FKBP15: variants seen among roughly 807,000 people sequenced by gnomAD.
FKBP15 encodes FKBP prolyl isomerase family member 15.
A neutral mutation model predicts 158.1 loss-of-function variants in FKBP15; 106 were observed. That is an observed-to-expected ratio of 0.67 (90% CI 0.57 to 0.79). The LOEUF (loss-of-function observed/expected upper bound fraction) is 0.79. Among genes scored for constraint, FKBP15 ranks in the 30% least tolerant of loss-of-function variants. The pLI is 0.00. For synonymous variants in FKBP15, 547 were observed against 548.6 expected, an observed-to-expected ratio of 1.00 and a Z score of 0.04; for missense variants, 1,287 against 1,479.1, an observed-to-expected ratio of 0.87 and a Z score of 2.13.
rs575621118 is a variant in FKBP15, at chr9:113,174,327, G to A, written c.2379+101C>T. 5 of 1,291,394 alleles carry A rather than the reference G, an allele frequency of 3.9e-6. No individual in the cohort carries two copies. The African/African-American group carries it at 4.5e-5, about 12-fold the overall frequency. The allele number at this position is 1,291,394 out of a possible 1,614,324, so 80.0% of individuals were successfully genotyped here. On this transcript the variant is annotated intron_variant, in intron 22 of 27. Transcript: ENST00000238256. ...TCTCCAAAGTGAGAGTATCAGCTAT[G>A]AGAAATGTCATCCTAAAGGGTAAGG...
Position 113,194,133 on chromosome 9 carries a change from T to A in FKBP15, c.901A>T (p.Ser301Cys). The change falls in exon 10 of 28, where the codon AGT becomes TGT. Residue 301 changes from serine to cysteine, a missense_variant. By Grantham distance (112) the Ser-to-Cys change is moderately radical. Transcript: ENST00000238256. ...FARDSGSDGHSVSSRDSAAPS... is the reference protein window; with the variant it reads ...FARDSGSDGHCVSSRDSAAPS... ...GCTGCAGAATCGCGGGAACTAACACTGTGACCATCAGAGCCAGAATCTCTG... is the reference window on the plus strand; with the variant it reads ...GCTGCAGAATCGCGGGAACTAACACAGTGACCATCAGAGCCAGAATCTCTG... The A allele has an allele frequency of 6.2e-7, 1 of 1,612,616 alleles. No individual in the cohort carries two copies. Among genetic ancestry groups the A allele is most frequent in the Admixed American group, 1.7e-5 (1 of 59,916 alleles).
At chr9:113,191,432 G>A (rs1830573194) in intron 11 of FKBP15, among the ~76,000 whole-genome samples, 1 of 151,754 alleles carries the variant, frequency 6.6e-6, no homozygotes, top group South Asian at 2.1e-4. Context: ...GGGATTGGTG[G>A]TACTTTATGT....
At chr9:113,183,945 T>G in intron 17 of FKBP15, 100 bp from the exon 18 acceptor site, 2 of 849,850 alleles carry the variant, frequency 2.4e-6, no homozygotes, top group Admixed American at 4.3e-5. Flanking sequence ...TGTTAACATG[T>G]TTTGAGACAA....
intron 19 of FKBP15, among the ~76,000 whole-genome samples, chr9:113,179,226 T>A (rs1161748799): frequency 6.6e-6 from 1 of 152,136 alleles, no homozygotes; most frequent in Non-Finnish European, 1.5e-5. Flanking sequence ...TTCACAGTTG[T>A]CTATTTCCTT....
In FKBP15 at chr9:113,185,685, G is replaced by T. The variant is rs1048193898; in HGVS notation, c.1498+564C>A. Among the ~76,000 whole-genome samples, 14 of 152,184 alleles carry T rather than the reference G, an allele frequency of 9.2e-5. 1 individual carries two copies. Among genetic ancestry groups the T allele is most frequent in the Admixed American group, 9.2e-4 (14 of 15,282 alleles). On this transcript the variant is annotated intron_variant, in intron 15 of 27. Transcript: ENST00000238256. ...ACAAAATATCTGAAAAGTTACCCAA[G>T]TAACTGTTAACAACAGTTTCCCAAG...
At chr9:113,197,203 G>A (rs1830704094) in intron 8 of FKBP15, 125 bp from the exon 9 acceptor site, 1 of 1,106,476 alleles carries the variant, frequency 9.0e-7, no homozygotes, top group South Asian at 1.5e-5. Flanking sequence ...CAGAGGTCGG[G>A]TCTGACTACT....
At chr9:113,219,934 A>G (rs951703413) in intron 1 of FKBP15, among the ~76,000 whole-genome samples, 5 of 152,246 alleles carry the variant, frequency 3.3e-5, no homozygotes, top group Non-Finnish European at 5.9e-5. Context: ...GGAAGGGAAC[A>G]GAGTGGTGAG....
intron 8 of FKBP15, among the ~76,000 whole-genome samples, chr9:113,197,771 C>A (rs1372878317): frequency 2.0e-5 from 3 of 152,166 alleles, no homozygotes; most frequent in Non-Finnish European, 4.4e-5. Context: ...TCAGAATTAT[C>A]CCCATTTTAC....
Position 113,169,573 on chromosome 9 carries a change from G to A in FKBP15, c.3136C>T (p.Pro1046Ser), listed in dbSNP as rs1830166427. The part of the protein sequence containing the change: ...RVLGPPTSIP[P>S]EPLGPVSMDS... ...ATGGATACAGGGCCTAGGGGCTCAG[G>A]TGGAATTGAAGTCGGGGGCCCTAGA... Residue 1046 changes from proline to serine, a missense_variant, in exon 26 of 28, where the codon CCT becomes TCT. Coordinates refer to ENST00000238256, the MANE Select transcript of FKBP15 (RefSeq NM_015258.2). The A allele has an allele frequency of 3.1e-6, 5 of 1,614,054 alleles. No individual in the cohort carries two copies. The highest frequency in any genetic ancestry group is 1.6e-4 in the Middle Eastern group (1 of 6,062).
At chr9:113,189,967 C>T (rs1564168091) in intron 12 of FKBP15, among the ~76,000 whole-genome samples, 2 of 151,912 alleles carry the variant, frequency 1.3e-5, no homozygotes. Flanking sequence ...AAGCAAATAA[C>T]AAGGGGAGAA....
chr9:113,202,609 G>A lies in FKBP15; in HGVS notation c.420C>T (p.Ser140=), dbSNP rs1478171735. ...FELMVRPNNY[S]TFYDDQRQNW... ...TCTGTCTCTGGTCATCATAAAAGGT[G>A]CTATAGTTATTGGGCCGAACCTGGA... Residue 140 remains serine, a synonymous_variant, in exon 6 of 28, where the codon AGC becomes AGT. Coordinates refer to ENST00000238256, the MANE Select transcript of FKBP15 (RefSeq NM_015258.2). 2.5e-6 allele frequency: 4 copies of A among 1,573,522 alleles called. No homozygotes were observed. In the Admixed American group the frequency reaches 7.4e-5, roughly 29 times the overall value.
chr9:113,171,797 TC>T, intron 23 of FKBP15, 91 bp from the exon 24 acceptor site: 23 of 1,056,262 alleles, frequency 2.2e-5, no homozygotes, highest in Admixed American at 1.1e-4. Context: ...ACATCAAGTC[TC>T]TTTTTTTTTT....
intron 15 of FKBP15, among the ~76,000 whole-genome samples, chr9:113,185,344 G>A (rs531770289): frequency 2.0e-5 from 3 of 150,492 alleles, no homozygotes; most frequent in African/African-American, 4.9e-5. Flanking sequence ...TTTGTGGGAA[G>A]AGAGGAAAGA....
rs372814060 is a variant in FKBP15 at position 113,166,046 on chromosome 9, C to T, written c.*32G>A. On this transcript the variant is annotated 3_prime_UTR_variant, in exon 28 of 28. Transcript: ENST00000238256. ...CAAAATCATGCTTAGGGAAGGGTTG[C>T]AGAGAAACCTTTGCACCAGTTTCCT... 7.1e-5 allele frequency: 113 copies of T among 1,598,978 alleles called. No individual in the cohort carries two copies. The African/African-American group carries it at 1.4e-3, about 20-fold the overall frequency.
rs1830020181 is a variant in FKBP15 at position 113,161,927 on chromosome 9, T to C, written c.*4151A>G. 4.7e-6 allele frequency: 3 copies of C among 642,388 alleles called. No homozygotes were observed. The Admixed American group carries it at 7.6e-5, about 16-fold the overall frequency. 39.8% of individuals were successfully genotyped at this position (642,388 alleles called of 1,614,324 possible). A position where few individuals can be genotyped will look rare whatever the true frequency, so the allele number is the denominator to read the frequency against. On this transcript the variant is annotated 3_prime_UTR_variant, in exon 28 of 28. Transcript: ENST00000238256. ...CAGCCACTTGAGAGGCTCAGAAGGC[T>C]TTCTTTAGGGAACAGTGATCTTCAG...
intron 6 of FKBP15, 108 bp downstream of exon 6, chr9:113,202,423 T>A (rs1822058530): frequency 1.3e-6 from 1 of 757,386 alleles, no homozygotes; most frequent in Admixed American, 2.6e-5. Context: ...TTTATGCTAG[T>A]CACTAACAAA....
At chr9:113,193,029 A>T (rs981376637) in intron 11 of FKBP15, among the ~76,000 whole-genome samples, 2 of 152,250 alleles carry the variant, frequency 1.3e-5, no homozygotes, top group Admixed American at 6.5e-5. Flanking sequence ...TGAACTCAGC[A>T]CTTTACAAAT....
rs7860472 is a variant in FKBP15 at position 113,198,676 on chromosome 9, T to C, written c.717+179A>G. ...CTGAGGCAGGAGAATCGCTTGAACC[T>C]GGGAGGTGGAGGTTGCAATGAGCCA... On this transcript the variant is annotated intron_variant, in intron 8 of 27. Transcript: ENST00000238256. This position sits in a 1 kb window ranked among gnomAD's most constrained non-coding sequence, Gnocchi z 5.2. 0.32 allele frequency among the ~76,000 whole-genome samples: 48,030 copies of C among 152,040 alleles called. 7,751 individuals carry two copies. The highest frequency in any genetic ancestry group is 0.33 in the Non-Finnish European group (22,669 of 67,938).
At chr9:113,210,896 T>C (rs910429322) in intron 2 of FKBP15, among the ~76,000 whole-genome samples, 1 of 152,240 alleles carries the variant, frequency 6.6e-6, no homozygotes, top group African/African-American at 2.4e-5. Context: ...TTTGGACTCT[T>C]GGACTTACAC....
Sources: gnomAD v4.1 joint callset for allele counts (sites outside exome capture counted in the v4.1 genomes callset) on GRCh38, gnomAD v4.1.1 for gene constraint, Gnocchi (gnomAD v3.1) non-coding constraint, MANE v1.5 for transcripts, NCBI Gene and HGNC (gene_info 2026-07-23, HGNC 2026-07-21) for gene names.